USP12: variants seen among roughly 807,000 people sequenced by gnomAD.
USP12 encodes the protein ubiquitin carboxyl-terminal hydrolase 12.
In USP12, 19 loss-of-function variants were observed where a neutral mutation model predicts 45.5. The observed-to-expected ratio is 0.42, with a 90% confidence interval of 0.29 to 0.61. The LOEUF is 0.61. Among genes scored for constraint, USP12 ranks in the 20% least tolerant of loss-of-function variants. The probability of loss-of-function intolerance (pLI) is 0.22; values close to 1 mark genes in which losing one functional copy is unlikely to be tolerated. For missense variants in USP12, 242 were observed against 447.7 expected, an observed-to-expected ratio of 0.54 and a Z score of 4.15; for synonymous variants, 149 against 148.8, an observed-to-expected ratio of 1.00 and a Z score of -0.01.
intron 1 of USP12, among the ~76,000 whole-genome samples, chr13:27,149,562 T>C (rs372816554): frequency 5.9e-5 from 9 of 152,332 alleles, no homozygotes; most frequent in African/African-American, 2.2e-4. Flanking sequence ...TAGCCATCAA[T>C]TGTATTGATC....
chr13:27,070,743 G>C (rs1294939191), intron 8 of USP12, among the ~76,000 whole-genome samples: 1 of 152,076 alleles, frequency 6.6e-6, no homozygotes, highest in Non-Finnish European at 1.5e-5. Flanking sequence ...AGGAGAGACA[G>C]GGTTTCTCCA....
intron 6 of USP12, among the ~76,000 whole-genome samples, chr13:27,078,497 A>G (rs778876958): frequency 2.6e-5 from 4 of 152,028 alleles, no homozygotes; most frequent in African/African-American, 4.8e-5. Flanking sequence ...GTATTCTAAC[A>G]TAACAGGGGG....
intron 1 of USP12, among the ~76,000 whole-genome samples, chr13:27,131,871 T>C (rs1271647986): frequency 6.6e-6 from 1 of 152,214 alleles, no homozygotes; most frequent in Non-Finnish European, 1.5e-5. Flanking sequence ...AATAATATAT[T>C]GCATGCCTCA....
chr13:27,144,473 C>A, intron 1 of USP12, among the ~76,000 whole-genome samples: 1 of 136,908 alleles, frequency 7.3e-6, no homozygotes. Context: ...TGCACTCTAA[C>A]CTAGGCAACA....
intron 1 of USP12, among the ~76,000 whole-genome samples, chr13:27,144,385 C>T (rs1360184920): frequency 2.0e-5 from 3 of 151,506 alleles, no homozygotes; most frequent in African/African-American, 7.3e-5. Flanking sequence ...ATATTAGCTA[C>T]TCAAGAGGCT....
intron 1 of USP12, among the ~76,000 whole-genome samples, chr13:27,143,841 C>T (rs1877181207): frequency 6.6e-6 from 1 of 152,158 alleles, no homozygotes; most frequent in Non-Finnish European, 1.5e-5. Flanking sequence ...TTAAAAGACA[C>T]CATAAGGAAA....
chr13:27,082,686 T>G (rs1457445446), intron 6 of USP12, among the ~76,000 whole-genome samples: 1 of 152,238 alleles, frequency 6.6e-6, no homozygotes, highest in African/African-American at 2.4e-5. Flanking sequence ...ATATTTCTTT[T>G]CACTTGAACC....
chr13:27,152,059 C>T (rs1407500333), intron 1 of USP12, among the ~76,000 whole-genome samples: 2 of 152,120 alleles, frequency 1.3e-5, no homozygotes, highest in Non-Finnish European at 1.5e-5. Context: ...TTGGCAGGAA[C>T]ATAAAATGGT....
rs754748933 is a variant in USP12, at chr13:27,075,440, C to CGA, written c.735-53_735-52insTC. On this transcript the variant is annotated intron_variant, in intron 6 of 8. Transcript: ENST00000282344. ...ATTTCATAAAAGATATCCACCATGT[C>CGA]CTTGAATTATCAAACTTTACGATAT... 29 of 1,484,910 alleles carry CGA rather than the reference C, an allele frequency of 2.0e-5. No homozygotes were observed. The African/African-American group carries it at 3.5e-4, about 18-fold the overall frequency. The allele number at this position is 1,484,910 out of a possible 1,614,324, so 92.0% of individuals were successfully genotyped here.
chr13:27,110,127 TAAAA>T (rs1555234986), intron 2 of USP12, among the ~76,000 whole-genome samples: 17 of 119,626 alleles, frequency 1.4e-4, no homozygotes, highest in East Asian at 2.6e-4. Context: ...CTTTTCCAGG[TAAAA>T]AAAAAAAAAA....
At chr13:27,151,563 C>T (rs550160105) in intron 1 of USP12, among the ~76,000 whole-genome samples, 1 of 151,814 alleles carries the variant, frequency 6.6e-6, no homozygotes, top group South Asian at 2.1e-4. Context: ...AAGAGGATCC[C>T]GAGGGCCAGG....
chr13:27,170,717 G>C (rs1482765403), intron 1 of USP12, among the ~76,000 whole-genome samples: 1 of 152,182 alleles, frequency 6.6e-6, no homozygotes, highest in Non-Finnish European at 1.5e-5. Flanking sequence ...CCATCGCCTT[G>C]GCAGGCGGTC....
intron 1 of USP12, among the ~76,000 whole-genome samples, chr13:27,161,537 A>G (rs1418860730): frequency 1.3e-5 from 2 of 150,658 alleles, no homozygotes; most frequent in Non-Finnish European, 2.9e-5. Context: ...ATAATTTTAT[A>G]CCTTTAAAAA....
chr13:27,142,679 G>C (rs1877118848), intron 1 of USP12, among the ~76,000 whole-genome samples: 1 of 152,180 alleles, frequency 6.6e-6, no homozygotes, highest in African/African-American at 2.4e-5. Context: ...ACAGTAGTCA[G>C]TTTGGAGGGG....
chr13:27,092,674 A>T (rs550308333), intron 4 of USP12, among the ~76,000 whole-genome samples: 96 of 152,348 alleles, frequency 6.3e-4, no homozygotes, highest in African/African-American at 2.2e-3. Context: ...ATGCAAAAAA[A>T]TTAACCCAGA....
rs534030093 is a variant in USP12 at position 27,100,618 on chromosome 13, A to G, written c.344-4788T>C. Among the ~76,000 whole-genome samples, 257 of 152,218 alleles carry G rather than the reference A, an allele frequency of 1.7e-3. 1 individual carries two copies. Among genetic ancestry groups the G allele is most frequent in the Non-Finnish European group, 2.1e-3 (145 of 68,010 alleles). ...AGCTTCCTGACGTGCATGCACCTCA[A>G]TCCCGTACAATTCAAGAACCTTTAT... On this transcript the variant is annotated intron_variant, in intron 3 of 8. Coordinates refer to ENST00000282344, the MANE Select transcript of USP12 (RefSeq NM_182488.4).
At chr13:27,121,043 T>A (rs1565995738) in intron 1 of USP12, among the ~76,000 whole-genome samples, 1 of 152,088 alleles carries the variant, frequency 6.6e-6, no homozygotes, top group South Asian at 2.1e-4. Context: ...AAACAGATGC[T>A]AAAACTTAGG....
At chr13:27,130,935 T>C (rs1442289389) in intron 1 of USP12, among the ~76,000 whole-genome samples, 1 of 152,156 alleles carries the variant, frequency 6.6e-6, no homozygotes, top group African/African-American at 2.4e-5. Flanking sequence ...GCCGTGACGC[T>C]TAAAAACAAG....
chr13:27,118,150 G>C (rs1383168507), intron 1 of USP12, among the ~76,000 whole-genome samples: 2 of 151,750 alleles, frequency 1.3e-5, no homozygotes, highest in Admixed American at 6.6e-5. Context: ...CACACCTGCT[G>C]CTTCCTTTCC....
Sources: gnomAD v4.1 joint callset for allele counts (sites outside exome capture counted in the v4.1 genomes callset) on GRCh38, gnomAD v4.1.1 for gene constraint, MANE v1.5 for transcripts, NCBI Gene and HGNC (gene_info 2026-07-23, HGNC 2026-07-21) for gene names.